The following CLEC4D variants were observed in gnomAD, a reference collection of about 807,000 sequenced individuals.
CLEC4D encodes C-type (calcium dependent, carbohydrate-recognition domain) lectin, superfamily member 8.
Under a neutral mutation model 21.1 loss-of-function variants are expected in CLEC4D, and 21 were observed. The observed-to-expected ratio is 1.00, with a 90% CI of 0.71 to 1.43. The LOEUF (loss-of-function observed/expected upper bound fraction) is 1.43. Among genes scored for constraint, CLEC4D ranks in the 40% most tolerant of loss-of-function variants. The pLI, the probability that CLEC4D is intolerant of heterozygous loss-of-function variation, is 0.00. For missense variants in CLEC4D, 289 were observed against 260.7 expected (o/e 1.11, Z -0.75); for synonymous variants, 85 against 83.1 (o/e 1.02, Z -0.12).
Position 8,513,684 on chromosome 12 carries a change from A to T in CLEC4D, c.-49A>T, listed in dbSNP as rs1193014480. 3.4e-6 allele frequency: 3 copies of T among 888,854 alleles called. No individual in the cohort carries two copies. In the South Asian group the frequency reaches 4.0e-5, roughly 12 times the overall value. The allele number at this position is 888,854 out of a possible 1,614,324, so 55.1% of individuals were successfully genotyped here. ...AAATATACTCTGGGGGAAAAAAAAT[A>T]GAACAAATTCTTGCCGTCCTGACCA... On this transcript the variant is annotated 5_prime_UTR_variant, in exon 1 of 6. An upstream open reading frame in the 5' UTR loses its in-frame stop. Coordinates refer to ENST00000299665, the MANE Select transcript of CLEC4D (RefSeq NM_080387.5).
At chr12:8,515,765 G>A (rs771940276) in intron 2 of CLEC4D, among the ~76,000 whole-genome samples, 7 of 151,426 alleles carry the variant, frequency 4.6e-5, no homozygotes, top group African/African-American at 1.2e-4. Context: ...ATTGATGTAC[G>A]ATTGACATAT....
Position 8,521,357 on chromosome 12 carries a change from A to G in CLEC4D, c.*86A>G, listed in dbSNP as rs770604707. On this transcript the variant is annotated 3_prime_UTR_variant, in exon 6 of 6. Coordinates refer to ENST00000299665, the MANE Select transcript of CLEC4D (RefSeq NM_080387.5). The stretch of plus-strand genomic sequence containing the variant: ...GAATGTACGTGCGTCATTGGAACAC[A>G]GAAAACATGCTGGTTCATACAGCGT... The G allele has an allele frequency of 3.9e-4, 584 of 1,516,370 alleles. 1 individual carries two copies. In the African/African-American group the frequency reaches 7.3e-3, roughly 19 times the overall value. 93.9% of individuals were successfully genotyped at this position (1,516,370 alleles called of 1,614,324 possible).
chr12:8,520,616 A>G (rs116066352), intron 5 of CLEC4D, among the ~76,000 whole-genome samples: 1 of 152,212 alleles, frequency 6.6e-6, no homozygotes, highest in African/African-American at 2.4e-5. Flanking sequence ...TAAATAAACA[A>G]TATAAGCGAT....
chr12:8,528,783 T>C, the CLEC4D span, among the ~76,000 whole-genome samples: 2 of 152,048 alleles, frequency 1.3e-5, no homozygotes, highest in East Asian at 1.9e-4. Flanking sequence ...AGAGTAACTA[T>C]GATTATCAGT....
In CLEC4D at chr12:8,519,096, A is replaced by T. The variant is rs1020409135; in HGVS notation, c.320A>T (p.Glu107Val). The change falls in exon 4 of 6, where the codon GAG (glutamate) becomes GTG (valine). Residue 107 changes from glutamate (E) to valine (V), a missense_variant. Glu to Val is a moderately radical substitution (Grantham distance 121, BLOSUM62 -2). Coordinates refer to ENST00000299665, the MANE Select transcript of CLEC4D (RefSeq NM_080387.5). ...FPLTDNKTWA[E>V]SERNCSGMGA... is the part of the protein sequence containing the mutation. ...CTTACTGACAACAAGACGTGGGCTG[A>T]GAGTGAAAGGAACTGTTCAGGGATG... 6.2e-7 allele frequency: 1 copy of T among 1,614,152 alleles called. No homozygotes were observed. The highest frequency in any genetic ancestry group is 1.7e-5 in the Admixed American group (1 of 60,024).
intron 2 of CLEC4D, among the ~76,000 whole-genome samples, chr12:8,516,180 T>G (rs1430447308): frequency 3.9e-5 from 6 of 152,114 alleles, no homozygotes. Context: ...AGAAGATAAA[T>G]GGAGAATATC....
At chr12:8,516,646 CTTCTGGT>C (rs1940385362) in intron 2 of CLEC4D, among the ~76,000 whole-genome samples, 1 of 152,182 alleles carries the variant, frequency 6.6e-6, no homozygotes, top group Non-Finnish European at 1.5e-5. Flanking sequence ...TAGTGAATTG[CTTCTGGT>C]GGAGTTTAAG....
At chr12:8,515,523 A>G (rs1466126516) in intron 2 of CLEC4D, among the ~76,000 whole-genome samples, 195 bp downstream of exon 2, 1 of 152,104 alleles carries the variant, frequency 6.6e-6, no homozygotes, top group African/African-American at 2.4e-5. Context: ...TGTGATAGAG[A>G]TTGATTGATG....
intron 3 of CLEC4D, among the ~76,000 whole-genome samples, chr12:8,518,750 A>G (rs1940416403): frequency 6.6e-6 from 1 of 152,238 alleles, no homozygotes; most frequent in Non-Finnish European, 1.5e-5. Context: ...AGATGTAGGA[A>G]CAATGAATAA....
chr12:8,518,867 T>C (rs1314770086), intron 3 of CLEC4D, 142 bp from the exon 4 acceptor site: 4 of 1,377,706 alleles, frequency 2.9e-6, no homozygotes, highest in Admixed American at 3.0e-5. Context: ...CAGGATCTTT[T>C]GGTAGGAGAA....
rs946297864 is a variant in CLEC4D at position 8,519,068 on chromosome 12, C to T, written c.292C>T (p.Pro98Ser). Residue 98 changes from proline to serine, a missense_variant, in exon 4 of 6, where the codon CCT (proline) becomes TCT (serine). Pro to Ser is a moderately conservative substitution (Grantham distance 74). Coordinates refer to ENST00000299665, the MANE Select transcript of CLEC4D (RefSeq NM_080387.5). Reference protein sequence around the residue: ...WRAFQSNCYFPLTDNKTWAES... With the variant: ...WRAFQSNCYFSLTDNKTWAES... ...AGCCTTCCAGTCCAACTGCTATTTT[C>T]CTCTTACTGACAACAAGACGTGGGC... 1 of 1,614,108 alleles carries T rather than the reference C, an allele frequency of 6.2e-7. No homozygotes were observed. The highest frequency in any genetic ancestry group is 1.3e-5 in the African/African-American group (1 of 75,026).
chr12:8,521,971 T>G lies in CLEC4D; in HGVS notation c.*700T>G, dbSNP rs1398338830. The stretch of plus-strand genomic sequence containing the variant: ...CAATTCTACAGCAGAGGAAATAAAA[T>G]CCCCCAGAAGCCAAAGGGCTCACCT... On this transcript the variant is annotated 3_prime_UTR_variant, in exon 6 of 6. Transcript: ENST00000299665. The G allele has an allele frequency of 6.6e-6, 1 of 151,968 alleles. No homozygotes were observed. The highest frequency in any genetic ancestry group is 1.5e-5 in the Non-Finnish European group (1 of 67,940). The allele number at this position is 151,968 out of a possible 1,614,324, so 9.4% of individuals were successfully genotyped here.
intron 2 of CLEC4D, among the ~76,000 whole-genome samples, 156 bp downstream of exon 2, chr12:8,515,484 T>C (rs1358879392): frequency 6.6e-6 from 1 of 152,214 alleles, no homozygotes; most frequent in Admixed American, 6.5e-5. Context: ...GCTACATTCT[T>C]GACCTTCTGT....
chr12:8,524,386 A>G (rs1250105145), downstream of CLEC4D, among the ~76,000 whole-genome samples: 1 of 151,602 alleles, frequency 6.6e-6, no homozygotes, highest in African/African-American at 2.4e-5. Flanking sequence ...AGAGCTCGTA[A>G]TTGTCTATTC....
chr12:8,527,816 C>T, the CLEC4D span, among the ~76,000 whole-genome samples: 1 of 152,222 alleles, frequency 6.6e-6, no homozygotes, highest in African/African-American at 2.4e-5. Flanking sequence ...TGCTAGGCCC[C>T]GGTGGCGTGC....
intron 4 of CLEC4D, among the ~76,000 whole-genome samples, chr12:8,519,805 G>T (rs376319473): frequency 6.6e-6 from 1 of 152,114 alleles, no homozygotes; most frequent in Non-Finnish European, 1.5e-5. Flanking sequence ...ACTTTTTCTT[G>T]GTTAATAGTT....
chr12:8,526,167 G>T (rs1358727023), downstream of CLEC4D, among the ~76,000 whole-genome samples: 1 of 152,098 alleles, frequency 6.6e-6, no homozygotes, highest in Admixed American at 6.5e-5. Context: ...ATGTGTCTTG[G>T]AGTTGATCTT....
At chr12:8,515,716 CCTCT>C (rs1395504113) in intron 2 of CLEC4D, among the ~76,000 whole-genome samples, 2 of 151,868 alleles carry the variant, frequency 1.3e-5, no homozygotes, top group African/African-American at 2.4e-5. Context: ...TCTCTCTTTC[CCTCT>C]CTTTCTTTCT....
At chr12:8,526,807 TTTC>T, downstream of CLEC4D, among the ~76,000 whole-genome samples, 1 of 152,332 alleles carries the variant, frequency 6.6e-6, no homozygotes, top group Middle Eastern at 3.4e-3. Context: ...AATGATTCTT[TTTC>T]ATCTTTGTGA....
Sources: gnomAD v4.1 joint callset for allele counts (sites outside exome capture counted in the v4.1 genomes callset) on GRCh38, gnomAD v4.1.1 for gene constraint, MANE v1.5 for transcripts, NCBI Gene and HGNC (gene_info 2026-07-23, HGNC 2026-07-21) for gene names.